Variants in RNF128 observed in about 807,000 individuals in gnomAD.
The protein encoded by RNF128 is ring finger protein 128.
A neutral mutation model predicts 26.2 loss-of-function variants in RNF128; 13 were observed. The observed-to-expected ratio is 0.50, with a 90% CI of 0.32 to 0.79. The LOEUF (loss-of-function observed/expected upper bound fraction) is 0.79, where lower values mean the gene tolerates loss of function less well. Among genes scored for constraint, RNF128 ranks in the 30% least tolerant of loss-of-function variants. The pLI, the probability that RNF128 is intolerant of heterozygous loss-of-function variation, is 0.03. For missense variants in RNF128, 315 were observed against 349.7 expected (o/e 0.90, Z 0.79); for synonymous variants, 149 against 142.5 (o/e 1.05, Z -0.32).
chrX:106,765,443 A>G (rs184278759), intron 1 of RNF128, among the ~76,000 whole-genome samples: 10 of 111,405 alleles, frequency 9.0e-5, no homozygotes, highest in Non-Finnish European at 1.3e-4. Context: ...TGTGAATACT[A>G]TTTTAATATT....
chrX:106,694,269 G>A, exon 1 of RNF128: 1 of 1,210,927 alleles, frequency 8.3e-7, no homozygotes. Flanking sequence ...ATACTAAGAA[G>A]CCCTGGATTG....
chrX:106,779,348 CGTGTGTGTGTGTGTGTGTGTGT>C (rs372716238), intron 2 of RNF128, among the ~76,000 whole-genome samples: 1 of 90,114 alleles, frequency 1.1e-5, no homozygotes, highest in East Asian at 3.5e-4. Context: ...TACACAGTTA[CGTGTGTGTGTGTGTGTGTGTGT>C]GTGTGTGTGT....
chrX:106,733,796 G>T (rs1310719236), intron 1 of RNF128, among the ~76,000 whole-genome samples: 3 of 110,563 alleles, frequency 2.7e-5, no homozygotes, highest in Non-Finnish European at 5.7e-5. Context: ...CTCTTCCCGG[G>T]TTCAAGTGAT....
At chrX:106,727,504 G>A (rs888183120) in intron 1 of RNF128, 107 bp downstream of exon 1, 1 of 1,024,404 alleles carries the variant, frequency 9.8e-7, no homozygotes, top group African/African-American at 1.9e-5. Flanking sequence ...GAAGGAAAGT[G>A]GGTGCTCTTT....
At chrX:106,750,793 C>T (rs1425291897) in intron 1 of RNF128, among the ~76,000 whole-genome samples, 2 of 111,372 alleles carry the variant, frequency 1.8e-5, no homozygotes, top group Non-Finnish European at 1.9e-5. Context: ...GAAGTGAGAA[C>T]CTTCCTCCCT....
intron 1 of RNF128, among the ~76,000 whole-genome samples, chrX:106,761,839 T>C (rs1930125035): frequency 9.1e-6 from 1 of 110,276 alleles, no homozygotes; most frequent in African/African-American, 3.3e-5. Flanking sequence ...TTTGGTCCCC[T>C]GTCACTTGGT....
intron 1 of RNF128, among the ~76,000 whole-genome samples, chrX:106,769,699 C>CT (rs1406703199): frequency 4.6e-5 from 5 of 109,478 alleles, no homozygotes; most frequent in African/African-American, 1.7e-4. Context: ...CAGTCTGTGT[C>CT]TTTTTCTTTT....
intron 1 of RNF128, among the ~76,000 whole-genome samples, chrX:106,728,169 A>G (rs1929441174): frequency 8.9e-6 from 1 of 111,874 alleles, no homozygotes; most frequent in African/African-American, 3.3e-5. Context: ...TCCTTCCACA[A>G]ACTTCCCTAT....
At chrX:106,758,552 C>T (rs182308032) in intron 1 of RNF128, among the ~76,000 whole-genome samples, 1 of 111,325 alleles carries the variant, frequency 9.0e-6, no homozygotes, top group Non-Finnish European at 1.9e-5. Context: ...GTTATAGTAA[C>T]CAAAGAAGCA....
chrX:106,737,323 A>T lies in RNF128; in HGVS notation c.484+9926A>T, dbSNP rs190402748. On this transcript the variant is annotated intron_variant, in intron 1 of 6. Coordinates refer to ENST00000255499, the MANE Select transcript of RNF128 (RefSeq NM_194463.2). ...ATGTGCCATGCTGGTGTGCTGCTAG[A>T]TTTTCAAGTACAGTTGTCCATTGGT... 5.4e-5 allele frequency among the ~76,000 whole-genome samples: 6 copies of T among 110,142 alleles called. No homozygotes were observed. The Admixed American group carries it at 5.9e-4, about 11-fold the overall frequency.
intron 1 of RNF128, among the ~76,000 whole-genome samples, chrX:106,716,611 C>T (rs1200081743): frequency 9.1e-6 from 1 of 110,258 alleles, no homozygotes; most frequent in Non-Finnish European, 1.9e-5. Flanking sequence ...TCAACAAAAA[C>T]GTTAGGAAAA....
At chrX:106,699,350 T>C (rs2147656627) in intron 1 of RNF128, among the ~76,000 whole-genome samples, 1 of 112,583 alleles carries the variant, frequency 8.9e-6, no homozygotes, top group Non-Finnish European at 1.9e-5. Flanking sequence ...TTCTCTCTGT[T>C]TTTTAACAAA....
intron 1 of RNF128, among the ~76,000 whole-genome samples, chrX:106,741,724 ATATAT>A (rs1427278852): frequency 8.9e-6 from 1 of 111,873 alleles, no homozygotes; most frequent in East Asian, 2.8e-4. Context: ...TTATCACTAA[ATATAT>A]TATACTTAAA....
intron 1 of RNF128, among the ~76,000 whole-genome samples, chrX:106,763,569 C>T (rs1029187121): frequency 5.3e-5 from 6 of 112,744 alleles, no homozygotes; most frequent in Non-Finnish European, 1.1e-4. Flanking sequence ...TGCACTGGCA[C>T]GATCTTGGCT....
At chrX:106,727,530 G>C in intron 1 of RNF128, 133 bp downstream of exon 1, 1 of 846,964 alleles carries the variant, frequency 1.2e-6, no homozygotes, top group African/African-American at 2.0e-5. Context: ...CCCACGGAGT[G>C]GGGCAGGGTC....
chrX:106,793,562 C>A (rs1930863973), intron 6 of RNF128, among the ~76,000 whole-genome samples: 1 of 110,702 alleles, frequency 9.0e-6, no homozygotes, highest in Admixed American at 9.6e-5. Context: ...ACCAACTGGC[C>A]CACTAACGTC....
chrX:106,794,182 A>G lies in RNF128; in HGVS notation c.1154-1398A>G, dbSNP rs191373078. On this transcript the variant is annotated intron_variant, in intron 6 of 6. Transcript: ENST00000255499. ...AGTTATTTATTTATTGTACTATAGG[A>G]TCCTAGACGTTTCTTTCATTCTATA... Among the ~76,000 whole-genome samples, 997 of 110,483 alleles carry G rather than the reference A, an allele frequency of 9.0e-3. 7 individuals carry two copies. The highest frequency in any genetic ancestry group is 0.013 in the Non-Finnish European group (663 of 52,683).
intron 3 of RNF128, among the ~76,000 whole-genome samples, chrX:106,787,172 T>C (rs1191498310): frequency 3.6e-5 from 4 of 111,682 alleles, no homozygotes; most frequent in African/African-American, 9.7e-5. Context: ...TATTCATAAT[T>C]GTCAAATACT....
chrX:106,743,659 A>T (rs1365230550), intron 1 of RNF128, among the ~76,000 whole-genome samples: 1 of 112,502 alleles, frequency 8.9e-6, no homozygotes, highest in African/African-American at 3.2e-5. Context: ...CAGTTATCTG[A>T]AAATGCTATT....
Sources: allele counts gnomAD v4.1 joint callset (sites outside exome capture counted in the v4.1 genomes callset), GRCh38; gene constraint gnomAD v4.1.1; transcripts MANE v1.5; gene names NCBI Gene and HGNC (gene_info 2026-07-23, HGNC 2026-07-21).